JAZF1: variants seen among roughly 807,000 people sequenced by gnomAD.
JAZF1 encodes the protein JAZF zinc finger 1.
Under a neutral mutation model 26.4 loss-of-function variants are expected in JAZF1, and 8 were observed. The observed-to-expected ratio is 0.30, with a 90% confidence interval of 0.18 to 0.55. The LOEUF (loss-of-function observed/expected upper bound fraction) is 0.55, where lower values mean the gene tolerates loss of function less well. Among genes scored for constraint, JAZF1 ranks in the 20% least tolerant of loss-of-function variants. The pLI, the probability that JAZF1 is intolerant of heterozygous loss-of-function variation, is 0.94. For missense variants in JAZF1, 199 were observed against 322.0 expected, an observed-to-expected ratio of 0.62 and a Z score of 2.92; for synonymous variants, 126 against 122.3, an observed-to-expected ratio of 1.03 and a Z score of -0.20.
chr7:28,049,125 C>A (rs1180904394), intron 1 of JAZF1, among the ~76,000 whole-genome samples: 1 of 148,428 alleles, frequency 6.7e-6, no homozygotes, highest in Non-Finnish European at 1.5e-5. Flanking sequence ...CTCTGTAGCC[C>A]AGGCTGGAGT....
At chr7:27,887,444 A>G (rs1401537826) in intron 3 of JAZF1, among the ~76,000 whole-genome samples, 1 of 151,996 alleles carries the variant, frequency 6.6e-6, no homozygotes. Context: ...GAGATGAAGT[A>G]TCACTCTGTT....
intron 2 of JAZF1, among the ~76,000 whole-genome samples, chr7:27,968,475 G>A (rs1450047512): frequency 6.6e-6 from 1 of 152,108 alleles, no homozygotes; most frequent in Non-Finnish European, 1.5e-5. Flanking sequence ...AAATTGCAGG[G>A]CTTACCACAG....
chr7:28,044,068 T>C (rs1783451538), intron 1 of JAZF1, among the ~76,000 whole-genome samples: 1 of 152,190 alleles, frequency 6.6e-6, no homozygotes, highest in African/African-American at 2.4e-5. Flanking sequence ...GTGCCGATGG[T>C]TGTACATTAC....
At chr7:27,933,343 A>C (rs1470277833) in intron 2 of JAZF1, among the ~76,000 whole-genome samples, 2 of 152,208 alleles carry the variant, frequency 1.3e-5, no homozygotes, top group Non-Finnish European at 2.9e-5. Flanking sequence ...TACTCCAAGC[A>C]TGGAGAGGGT....
At chr7:27,971,970 A>G (rs935756270) in intron 2 of JAZF1, among the ~76,000 whole-genome samples, 2 of 152,360 alleles carry the variant, frequency 1.3e-5, no homozygotes, top group Non-Finnish European at 2.9e-5. Flanking sequence ...CATTTATCCC[A>G]TATATATTTA....
intron 3 of JAZF1, among the ~76,000 whole-genome samples, chr7:27,879,398 C>A (rs898383712): frequency 6.6e-6 from 1 of 152,160 alleles, no homozygotes; most frequent in Admixed American, 6.5e-5. Flanking sequence ...TAACACCATG[C>A]TCCTATCACC....
At chr7:28,030,110 A>G (rs1190101027) in intron 1 of JAZF1, among the ~76,000 whole-genome samples, 1 of 152,238 alleles carries the variant, frequency 6.6e-6, no homozygotes, top group African/African-American at 2.4e-5. Flanking sequence ...AGACCTGAGC[A>G]AACCAGAAGC....
intron 1 of JAZF1, 89 bp downstream of exon 1, chr7:28,180,374 C>T: frequency 9.8e-7 from 1 of 1,016,702 alleles, no homozygotes; most frequent in Non-Finnish European, 1.5e-6. Flanking sequence ...CCTCCCTCCC[C>T]GCCGGCCACC....
intron 2 of JAZF1, among the ~76,000 whole-genome samples, chr7:27,986,756 C>T (rs1445735114): frequency 6.6e-6 from 1 of 151,668 alleles, no homozygotes; most frequent in East Asian, 2.0e-4. Flanking sequence ...AACCTCCCTG[C>T]CTGATTCTCC....
At chr7:27,842,465 G>GTCTGT (rs1223687707) in intron 3 of JAZF1, 2 of 152,138 alleles carry the variant, frequency 1.3e-5, no homozygotes, top group Admixed American at 1.3e-4. Context: ...ATTCGAAGCA[G>GTCTGT]TCTGTTTTGA....
At chr7:27,864,430 CTTCTT>C (rs1783436991) in intron 3 of JAZF1, among the ~76,000 whole-genome samples, 1 of 152,146 alleles carries the variant, frequency 6.6e-6, no homozygotes, top group Admixed American at 6.5e-5. Flanking sequence ...TCATCCTTTT[CTTCTT>C]TTCATTTTGA....
chr7:27,978,542 C>T (rs1785515706), intron 2 of JAZF1, among the ~76,000 whole-genome samples: 1 of 152,064 alleles, frequency 6.6e-6, no homozygotes, highest in Non-Finnish European at 1.5e-5. Flanking sequence ...AGAAAAAGAA[C>T]AAAAAGCCAT....
In JAZF1 at chr7:28,180,781, GGCGGCGGCT is replaced by G. The variant is rs1433591109; in HGVS notation, c.-213_-205del. On this transcript the variant is annotated 5_prime_UTR_variant, in exon 1 of 5. Coordinates refer to ENST00000283928, the MANE Select transcript of JAZF1 (RefSeq NM_175061.4). Reference sequence around the variant, plus strand: ...AGGAGCCACCGGGAGGCAGAGGGGAGGCGGCGGCTGCGGCGGCGGCGTCGGGAGCGGCGG... The same window carrying G: ...AGGAGCCACCGGGAGGCAGAGGGGAGGCGGCGGCGGCGTCGGGAGCGGCGG... 1 of 322,080 alleles carries G rather than the reference GGCGGCGGCT, an allele frequency of 3.1e-6. No homozygotes were observed. Among genetic ancestry groups the G allele is most frequent in the Non-Finnish European group, 5.6e-6 (1 of 179,544 alleles). 20.0% of individuals were successfully genotyped at this position (322,080 alleles called of 1,614,324 possible). A position where few individuals can be genotyped will look rare whatever the true frequency, so the allele number is the denominator to read the frequency against.
intron 1 of JAZF1, among the ~76,000 whole-genome samples, chr7:27,992,928 A>C (rs1440390028): frequency 6.6e-6 from 1 of 152,160 alleles, no homozygotes; most frequent in Non-Finnish European, 1.5e-5. Context: ...TTGCACAGGA[A>C]GTGTTTACTG....
intron 2 of JAZF1, among the ~76,000 whole-genome samples, chr7:27,968,413 T>G (rs1054138070): frequency 6.6e-6 from 1 of 152,226 alleles, no homozygotes; most frequent in South Asian, 2.1e-4. Context: ...CTGGTCTTTT[T>G]GCATTCAGCA....
intron 3 of JAZF1, among the ~76,000 whole-genome samples, chr7:27,868,784 C>A (rs867138615): frequency 1.3e-5 from 2 of 152,174 alleles, no homozygotes; most frequent in African/African-American, 2.4e-5. Context: ...GCTCCAGTTA[C>A]CCCACTTGAA....
chr7:27,911,317 T>C (rs900492839), intron 2 of JAZF1, among the ~76,000 whole-genome samples: 4 of 152,230 alleles, frequency 2.6e-5, no homozygotes, highest in Admixed American at 6.5e-5. Context: ...ACGTGCTTTA[T>C]CATTATTACC....
chr7:27,886,269 A>C (rs1354203303), intron 3 of JAZF1, among the ~76,000 whole-genome samples: 1 of 152,210 alleles, frequency 6.6e-6, no homozygotes, highest in Non-Finnish European at 1.5e-5. Context: ...CAAGCAGCAG[A>C]ACCAAGAATT....
At chr7:28,037,807 A>G (rs1352176091) in intron 1 of JAZF1, among the ~76,000 whole-genome samples, 1 of 152,090 alleles carries the variant, frequency 6.6e-6, no homozygotes. Context: ...CACCCAGGAC[A>G]CCCCCAGCAA....
Sources: allele counts gnomAD v4.1 joint callset (sites outside exome capture counted in the v4.1 genomes callset), GRCh38; gene constraint gnomAD v4.1.1; transcripts MANE v1.5; gene names NCBI Gene and HGNC (gene_info 2026-07-23, HGNC 2026-07-21).